Variants in CRADD observed in about 807,000 individuals in gnomAD.
CRADD encodes the protein CARD and death domain containing adaptor protein, also known as death domain-containing protein CRADD.
In CRADD, 9 loss-of-function variants were observed where a neutral mutation model predicts 15.5. The ratio of observed to expected loss-of-function variants is 0.58; its 90% CI spans 0.35 to 1.01. CRADD has a LOEUF of 1.01. Ranked by LOEUF, CRADD falls within the 50% of genes least tolerant of loss-of-function variation. The pLI is 0.02. For missense variants in CRADD, 227 were observed against 250.3 expected (o/e 0.91, Z 0.63); for synonymous variants, 118 against 107.6 (o/e 1.10, Z -0.60).
intron 2 of CRADD, among the ~76,000 whole-genome samples, chr12:93,681,955 G>A (rs2136790918): frequency 6.6e-6 from 1 of 152,274 alleles, no homozygotes; most frequent in East Asian, 1.9e-4. Flanking sequence ...AGTAATGGAA[G>A]AAATTATGCA....
intron 2 of CRADD, among the ~76,000 whole-genome samples, chr12:93,885,805 G>A (rs1452143894): frequency 8.5e-5 from 13 of 152,252 alleles, no homozygotes; most frequent in Admixed American, 7.2e-4. Context: ...TTGGGAGGCC[G>A]AGGCAGGTGG....
At chr12:93,703,362 T>C (rs1312680993) in intron 2 of CRADD, among the ~76,000 whole-genome samples, 1 of 149,278 alleles carries the variant, frequency 6.7e-6, no homozygotes, top group Non-Finnish European at 1.5e-5. Context: ...TCTTTTTCTT[T>C]TTTTTTTTTT....
intron 2 of CRADD, among the ~76,000 whole-genome samples, chr12:93,842,209 A>AC (rs1958057095): frequency 6.6e-6 from 1 of 152,206 alleles, no homozygotes; most frequent in Non-Finnish European, 1.5e-5. Context: ...AGGTGATCAC[A>AC]TCATTGAATG....
intron 2 of CRADD, among the ~76,000 whole-genome samples, chr12:93,862,855 T>A (rs1278640916): frequency 6.6e-6 from 1 of 152,186 alleles, no homozygotes; most frequent in Admixed American, 6.5e-5. Context: ...ACACTCAACC[T>A]TGGGGTGTAA....
chr12:93,790,926 C>T (rs1957341947), intron 2 of CRADD, among the ~76,000 whole-genome samples: 1 of 151,876 alleles, frequency 6.6e-6, no homozygotes, highest in Non-Finnish European at 1.5e-5. Context: ...CACACACACA[C>T]ACACACACAC....
intron 2 of CRADD, among the ~76,000 whole-genome samples, chr12:93,876,476 T>C (rs1312431807): frequency 6.6e-6 from 1 of 152,194 alleles, no homozygotes; most frequent in Non-Finnish European, 1.5e-5. Flanking sequence ...TTTGAAGTTA[T>C]GTTTTAGATC....
intron 2 of CRADD, among the ~76,000 whole-genome samples, chr12:93,723,090 C>G (rs1356062184): frequency 6.6e-6 from 1 of 152,230 alleles, no homozygotes; most frequent in Non-Finnish European, 1.5e-5. Context: ...CAAGCTGTTC[C>G]TATTCATTCC....
chr12:93,709,547 G>A (rs1956023336), intron 2 of CRADD, among the ~76,000 whole-genome samples: 1 of 152,172 alleles, frequency 6.6e-6, no homozygotes, highest in South Asian at 2.1e-4. Flanking sequence ...TCTGCTAAGG[G>A]TAATTAGCCT....
At chr12:93,752,352 G>T (rs1477962716) in intron 2 of CRADD, among the ~76,000 whole-genome samples, 1 of 152,220 alleles carries the variant, frequency 6.6e-6, no homozygotes, top group Non-Finnish European at 1.5e-5. Flanking sequence ...AATGTCAAAA[G>T]CAGGGATTTT....
chr12:93,713,299 C>A (rs924992204), intron 2 of CRADD, among the ~76,000 whole-genome samples: 1 of 152,164 alleles, frequency 6.6e-6, no homozygotes, highest in African/African-American at 2.4e-5. Context: ...TTATGTTCTT[C>A]TGTCAGACTT....
intron 2 of CRADD, among the ~76,000 whole-genome samples, chr12:93,875,518 T>G (rs1958452129): frequency 1.3e-5 from 2 of 152,110 alleles, no homozygotes; most frequent in Non-Finnish European, 2.9e-5. Flanking sequence ...GAAGGTGATT[T>G]TCTCTGGAGG....
At chr12:93,879,174 T>G (rs1167515069) in intron 2 of CRADD, among the ~76,000 whole-genome samples, 1 of 152,178 alleles carries the variant, frequency 6.6e-6, no homozygotes, top group Non-Finnish European at 1.5e-5. Flanking sequence ...TCATTTCTGG[T>G]ATTGAGTTTC....
At chr12:93,735,687 A>G (rs553382034) in intron 2 of CRADD, 19 of 152,292 alleles carry the variant, frequency 1.2e-4, no homozygotes, top group African/African-American at 4.3e-4. Context: ...GATCGCTTGA[A>G]GCCAAGAGTT....
At chr12:93,754,560 A>T (rs1485514884) in intron 2 of CRADD, among the ~76,000 whole-genome samples, 2 of 152,194 alleles carry the variant, frequency 1.3e-5, no homozygotes, top group African/African-American at 4.8e-5. Flanking sequence ...TCAAGTTCAA[A>T]GTTCCATAGA....
chr12:93,757,544 C>T (rs1455450708), intron 2 of CRADD, among the ~76,000 whole-genome samples: 3 of 152,226 alleles, frequency 2.0e-5, no homozygotes, highest in African/African-American at 7.2e-5. Flanking sequence ...AAATTGGGCT[C>T]ATCAGACATG....
intron 2 of CRADD, among the ~76,000 whole-genome samples, chr12:93,804,257 G>A (rs1213741713): frequency 6.6e-6 from 1 of 152,134 alleles, no homozygotes; most frequent in Admixed American, 6.6e-5. Context: ...ATTTTGGCAA[G>A]AGTGATGCCA....
At chr12:93,745,936 A>G (rs1399017715) in intron 2 of CRADD, among the ~76,000 whole-genome samples, 1 of 152,212 alleles carries the variant, frequency 6.6e-6, no homozygotes, top group African/African-American at 2.4e-5. Context: ...TATTGAGGAA[A>G]CTTACACACA....
chr12:93,880,200 A>T (rs1565947286), intron 2 of CRADD, among the ~76,000 whole-genome samples: 1 of 152,298 alleles, frequency 6.6e-6, no homozygotes, highest in Admixed American at 6.5e-5. Flanking sequence ...ACTTAGTCTT[A>T]TCTTACGGAT....
At chr12:93,871,011 A>G (rs982223684) in intron 2 of CRADD, among the ~76,000 whole-genome samples, 1 of 152,244 alleles carries the variant, frequency 6.6e-6, no homozygotes, top group Non-Finnish European at 1.5e-5. Flanking sequence ...ACCCAACTAC[A>G]TGCCATATAC....
Sources: allele counts gnomAD v4.1 joint callset (sites outside exome capture counted in the v4.1 genomes callset), GRCh38; gene constraint gnomAD v4.1.1; transcripts MANE v1.5; gene names NCBI Gene and HGNC (gene_info 2026-07-23, HGNC 2026-07-21).